The following ACOT9 variants were observed in gnomAD, a reference collection of about 807,000 sequenced individuals.
ACOT9 encodes the protein acyl-coenzyme A thioesterase 9, mitochondrial.
A neutral mutation model predicts 39.7 loss-of-function variants in ACOT9; 34 were observed. That is an observed-to-expected ratio of 0.86 (90% CI 0.65 to 1.14). The LOEUF is 1.14. Ranked by LOEUF, ACOT9 falls within the 50% of genes most tolerant of loss-of-function variation. ACOT9 has a pLI of 0.00. For synonymous variants in ACOT9, 110 were observed against 120.5 expected (o/e 0.91, Z 0.57); for missense variants, 313 against 344.1 (o/e 0.91, Z 0.71).
intron 5 of ACOT9, 67 bp from the exon 6 acceptor site, chrX:23,730,631 A>G: frequency 9.5e-7 from 1 of 1,049,568 alleles, no homozygotes. Flanking sequence ...AATAAATAAC[A>G]CACTTCAGGG....
At chrX:23,733,262 G>A in intron 3 of ACOT9, 45 bp from the exon 4 acceptor site, 1 of 1,115,695 alleles carries the variant, frequency 9.0e-7, no homozygotes. Context: ...AAAGAAATAT[G>A]AGAAACGGAT....
chrX:23,718,905 C>CAAAA (rs35558833), intron 8 of ACOT9, among the ~76,000 whole-genome samples: 2 of 37,866 alleles, frequency 5.3e-5, no homozygotes, highest in African/African-American at 1.1e-4. Context: ...GACTCCGTCT[C>CAAAA]AAAAAAAAAA....
At position 23,733,269 on chromosome X, in the gene ACOT9, G is replaced by A. The variant is rs765425138; in HGVS notation, c.146-52C>T. On this transcript the variant is annotated intron_variant, in intron 3 of 15. Transcript: ENST00000379303. ...CATGAAACAAAGAAATATGAGAAACGGATTATGGCAATGAGCTCAAGAACT... is the reference window on the plus strand; with the variant it reads ...CATGAAACAAAGAAATATGAGAAACAGATTATGGCAATGAGCTCAAGAACT... The A allele has an allele frequency of 1.6e-4, 166 of 1,067,451 alleles. 1 individual carries two copies. The Middle Eastern group carries it at 3.1e-3, about 20-fold the overall frequency. 88.0% of individuals were successfully genotyped at this position (1,067,451 alleles called of 1,213,427 possible).
At chrX:23,727,618 C>T (rs113826443) in intron 6 of ACOT9, among the ~76,000 whole-genome samples, 21,966 of 109,276 alleles carry the variant, frequency 0.2, 1,779 homozygotes, top group Non-Finnish European at 0.23. Context: ...AGCCACTGTG[C>T]CCAGCCAAGA....
intron 8 of ACOT9, among the ~76,000 whole-genome samples, chrX:23,717,341 GT>G (rs1328759036): frequency 9.0e-6 from 1 of 111,503 alleles, no homozygotes; most frequent in Non-Finnish European, 1.9e-5. Flanking sequence ...GTCACTGAAG[GT>G]TTCTGAGAAG....
Position 23,719,602 on chromosome X carries a change from G to A in ACOT9, c.588+2279C>T, listed in dbSNP as rs182308509. Among the ~76,000 whole-genome samples the A allele has an allele frequency of 2.7e-5, 3 of 110,811 alleles. No homozygotes were observed. The Admixed American group carries it at 2.9e-4, about 11-fold the overall frequency. On this transcript the variant is annotated intron_variant, in intron 8 of 15. Coordinates refer to ENST00000379303, the MANE Select transcript of ACOT9 (RefSeq NM_001037171.2). The stretch of plus-strand genomic sequence containing the variant: ...GATGGTTTTGGGATGAAACTGCTCC[G>A]CCTCAGATCATCGGGCACTAGATTC...
chrX:23,743,045 G>A, intron 1 of ACOT9, 80 bp downstream of exon 1: 1 of 1,068,417 alleles, frequency 9.4e-7, no homozygotes, highest in Non-Finnish European at 1.2e-6. Flanking sequence ...CTTCCGCCGG[G>A]GCCAGCCCGA....
chrX:23,704,875 A>G, intron 14 of ACOT9, 31 bp from the exon 15 acceptor site: 1 of 1,190,674 alleles, frequency 8.4e-7, no homozygotes, highest in Non-Finnish European at 1.1e-6. Flanking sequence ...TAATCAGTCA[A>G]CTGCATTAGG....
intron 2 of ACOT9, 68 bp from the exon 3 acceptor site, chrX:23,734,435 G>A: frequency 7.6e-6 from 7 of 921,868 alleles, no homozygotes; most frequent in Non-Finnish European, 1.1e-5. Context: ...TAAATCTGTA[G>A]TATTTCAAAT....
At chrX:23,721,156 T>A (rs1159624300) in intron 8 of ACOT9, among the ~76,000 whole-genome samples, 1 of 110,784 alleles carries the variant, frequency 9.0e-6, no homozygotes, top group South Asian at 3.8e-4. Context: ...AGTGGCGCAA[T>A]CTCAGCTCAC....
At chrX:23,726,754 C>T (rs1235144404) in intron 6 of ACOT9, among the ~76,000 whole-genome samples, 1 of 109,972 alleles carries the variant, frequency 9.1e-6, no homozygotes, top group Non-Finnish European at 1.9e-5. Context: ...GCAGCCTCCA[C>T]CTCCCGGGTT....
intron 1 of ACOT9, among the ~76,000 whole-genome samples, chrX:23,742,205 T>TGAGAGAGAGA (rs1490829230): frequency 3.1e-5 from 2 of 65,559 alleles, no homozygotes; most frequent in African/African-American, 7.0e-5. Context: ...CCAGGAACAG[T>TGAGAGAGAGA]GAGTGAGTGA....
At chrX:23,722,988 G>A (rs1298485385) in intron 6 of ACOT9, among the ~76,000 whole-genome samples, 1 of 111,248 alleles carries the variant, frequency 9.0e-6, no homozygotes, top group Non-Finnish European at 1.9e-5. Flanking sequence ...ATCAAAGCCC[G>A]AAGCAAGCCC....
At position 23,708,094 on chromosome X, in the gene ACOT9, T is replaced by C. The variant is rs6629728; in HGVS notation, c.663-150A>G. The C allele has an allele frequency of 0.014, 6,310 of 457,899 alleles. 337 individuals are homozygous for C. In the African/African-American group the frequency reaches 0.14, roughly 10 times the overall value. The allele number at this position is 457,899 out of a possible 1,213,427, so 37.7% of individuals were successfully genotyped here. On this transcript the variant is annotated intron_variant, in intron 9 of 15. Transcript: ENST00000379303. ...CCTTACATGTGAACGCTGGAACAAT[T>C]AGGGAAGCCTTACAGTTACAGCCTT...
At chrX:23,709,157 C>T (rs929311429) in intron 9 of ACOT9, among the ~76,000 whole-genome samples, 3 of 111,543 alleles carry the variant, frequency 2.7e-5, no homozygotes, top group Non-Finnish European at 5.6e-5. Flanking sequence ...CTTCGGGAGG[C>T]CAAGGCAGGT....
At chrX:23,734,239 T>G (rs950815408) in intron 3 of ACOT9, 102 bp downstream of exon 3, 23 of 680,211 alleles carry the variant, frequency 3.4e-5, no homozygotes, top group Admixed American at 9.8e-5. Flanking sequence ...AGGCAAAGAA[T>G]GCAATTTTAG....
At chrX:23,714,546 CT>C (rs1209310876) in intron 8 of ACOT9, among the ~76,000 whole-genome samples, 1 of 111,707 alleles carries the variant, frequency 9.0e-6, no homozygotes, top group Admixed American at 9.6e-5. Flanking sequence ...ATCAGAAACA[CT>C]TCTGGTCCCA....
chrX:23,737,312 C>CAAAACA (rs1266222227), intron 1 of ACOT9, among the ~76,000 whole-genome samples: 2 of 110,531 alleles, frequency 1.8e-5, no homozygotes, highest in African/African-American at 6.6e-5. Flanking sequence ...GACTCTGTCT[C>CAAAACA]AAAACAAAAA....
At position 23,704,202 on chromosome X, in the gene ACOT9, G is replaced by A. The variant is rs752033930; in HGVS notation, c.1259-220C>T. 5.7e-5 allele frequency among the ~76,000 whole-genome samples: 5 copies of A among 87,291 alleles called. No individual in the cohort carries two copies. The East Asian group carries it at 1.8e-3, about 31-fold the overall frequency. 75.8% of individuals were successfully genotyped at this position (87,291 alleles called of 115,157 possible). ...TTTTTTTTTTTTGAGACGGAGTCTC[G>A]CTCTGTTGCCCAGACTGGAGTGCAG... On this transcript the variant is annotated intron_variant, in intron 15 of 15. Transcript: ENST00000379303.
Sources: gnomAD v4.1 joint callset for allele counts (sites outside exome capture counted in the v4.1 genomes callset) on GRCh38, gnomAD v4.1.1 for gene constraint, MANE v1.5 for transcripts, NCBI Gene and HGNC (gene_info 2026-07-23, HGNC 2026-07-21) for gene names.